CUL9: variants seen among roughly 807,000 people sequenced by gnomAD.
CUL9 encodes the protein cullin-9.
CUL9 carries 79 observed loss-of-function variants against 272.6 expected under a neutral mutation model. The ratio of observed to expected loss-of-function variants is 0.29; its 90% CI spans 0.24 to 0.35. The LOEUF (loss-of-function observed/expected upper bound fraction) is 0.35. CUL9 is among the 10% of genes least tolerant of loss of function. CUL9 has a pLI of 1.00. For missense variants in CUL9, 2,532 were observed against 3,255.6 expected (o/e 0.78, Z 5.41); for synonymous variants, 1,186 against 1,286.5 (o/e 0.92, Z 1.67).
In CUL9 at chr6:43,193,073, C is replaced by T; in HGVS notation, c.2253C>T (p.Ala751=). The T allele has an allele frequency of 6.2e-7, 1 of 1,614,174 alleles. No individual in the cohort carries two copies. The highest frequency in any genetic ancestry group is 1.1e-5 in the South Asian group (1 of 91,084). The change falls in exon 9 of 41, where the codon GCC becomes GCT. Residue 751 remains alanine, a synonymous_variant. Transcript: ENST00000252050. ...QVGEKMVVVQ[A]LRLLYLLMTK... ...GAGAGAAGATGGTGGTCGTGCAGGC[C>T]CTGCGCCTCCTTTACCTGCTCATGA...
At chr6:43,211,878 C>T (rs189497768) in intron 26 of CUL9, among the ~76,000 whole-genome samples, 32 of 152,204 alleles carry the variant, frequency 2.1e-4, no homozygotes, top group Admixed American at 1.9e-3. Flanking sequence ...AGTCATTGCT[C>T]ATATTTCCCT....
Position 43,200,920 on chromosome 6 carries a change from C to G in CUL9, c.3647+86C>G. On this transcript the variant is annotated intron_variant, in intron 16 of 40. Transcript: ENST00000252050. This position sits in a 1 kb window ranked among gnomAD's most constrained non-coding sequence, Gnocchi z 4.0. ...GATACACACAACCCCAGCTATAACCCCAATGCCTGAGGGACACACTCAAAC... is the reference window on the plus strand; with the variant it reads ...GATACACACAACCCCAGCTATAACCGCAATGCCTGAGGGACACACTCAAAC... 2 of 1,540,224 alleles carry G rather than the reference C, an allele frequency of 1.3e-6. No individual in the cohort carries two copies. Among genetic ancestry groups the G allele is most frequent in the Non-Finnish European group, 1.8e-6 (2 of 1,120,978 alleles).
rs1334031733 is a variant in CUL9 at position 43,199,957 on chromosome 6, A to G, written c.3185A>G (p.His1062Arg). 1 of 1,614,136 alleles carries G rather than the reference A, an allele frequency of 6.2e-7. No individual in the cohort carries two copies. The highest frequency in any genetic ancestry group is 8.5e-7 in the Non-Finnish European group (1 of 1,180,008). Residue 1062 changes from histidine (H) to arginine (R), a missense_variant, in exon 14 of 41, where the codon CAT becomes CGT. Transcript: ENST00000252050. This position sits in a 1 kb window ranked among gnomAD's most constrained non-coding sequence, Gnocchi z 4.4. ...EIVQELTCFL[H>R]RLASMHKDYA... is the part of the protein sequence containing the mutation. ...GTTCAGGAGCTGACCTGCTTCCTAC[A>G]TCGCCTGGCCTCGATGCATAAGGAC...
chr6:43,199,333 T>A lies in CUL9; in HGVS notation c.3118T>A (p.Cys1040Ser), dbSNP rs1201133070. 1.2e-6 allele frequency: 2 copies of A among 1,613,420 alleles called. No individual in the cohort carries two copies. The highest frequency in any genetic ancestry group is 2.2e-5 in the East Asian group (1 of 44,834). The change falls in exon 13 of 41, where the codon TGC becomes AGC. Residue 1040 changes from cysteine to serine, a missense_variant. Around this residue, in one of 3 missense-constraint regions of CUL9, gnomAD observed 2,218 missense variants for 2,788.6 expected, o/e 0.80. Coordinates refer to ENST00000252050, the MANE Select transcript of CUL9 (RefSeq NM_015089.4). This position sits in a 1 kb window ranked among gnomAD's most constrained non-coding sequence, Gnocchi z 4.4. ...CCCCTGGCACGAGGTCTTGGAGCCC[T>A]GCCTCAACTGCCTGAGTGGCCCTAG... The part of the protein sequence containing the change: ...VLPWHEVLEP[C>S]LNCLSGPSSD...
Position 43,203,186 on chromosome 6 carries a change from C to A in CUL9, c.3831C>A (p.Arg1277=). 4 of 1,614,182 alleles carry A rather than the reference C, an allele frequency of 2.5e-6. No homozygotes were observed. Among genetic ancestry groups the A allele is most frequent in the Non-Finnish European group, 3.4e-6 (4 of 1,180,044 alleles). The change falls in exon 18 of 41, where the codon CGC becomes CGA. Residue 1277 remains arginine, a synonymous_variant. Coordinates refer to ENST00000252050, the MANE Select transcript of CUL9 (RefSeq NM_015089.4). This position sits in a 1 kb window ranked among gnomAD's most constrained non-coding sequence, Gnocchi z 5.0. ...GCTTCTGGCCCATCATCCAGATCCG[C>A]ATAAAGCGCTGCCAGCAGGTGGTGT... ...LNRFWPIIQI[R]IKRCQQGGID... is the part of the protein sequence containing the mutation.
rs755404979 is a variant in CUL9, at chr6:43,224,330, A to G, written c.7439A>G (p.Glu2480Gly). The G allele has an allele frequency of 6.2e-7, 1 of 1,614,198 alleles. No individual in the cohort carries two copies. The highest frequency in any genetic ancestry group is 1.1e-5 in the South Asian group (1 of 91,084). Reference protein sequence around the residue: ...EDDVPEWQQDEFDEELDNDSF... With the variant: ...EDDVPEWQQDGFDEELDNDSF... ...GATGTGCCCGAGTGGCAGCAGGATG[A>G]GTTTGATGAGGAGCTGGACAATGAC... is the stretch of plus-strand genomic sequence containing the variant. Residue 2480 changes from glutamate (E) to glycine (G), a missense_variant, in exon 41 of 41, where the codon GAG becomes GGG. Transcript: ENST00000252050. This position sits in a 1 kb window ranked among gnomAD's most constrained non-coding sequence, Gnocchi z 4.2.
chr6:43,221,557 T>C lies in CUL9; in HGVS notation c.6753-128T>C. The C allele has an allele frequency of 1.1e-6, 1 of 938,378 alleles. No individual in the cohort carries two copies. The highest frequency in any genetic ancestry group is 1.6e-5 in the South Asian group (1 of 63,402). The allele number at this position is 938,378 out of a possible 1,614,324, so 58.1% of individuals were successfully genotyped here. ...GAGGTGCATTCAGCAGGGCTGGGTA[T>C]GACTAAGGAGACTATCAGGGCAGGA... is the stretch of plus-strand genomic sequence containing the variant. On this transcript the variant is annotated intron_variant, in intron 34 of 40. Coordinates refer to ENST00000252050, the MANE Select transcript of CUL9 (RefSeq NM_015089.4). The surrounding 1 kb of genome is among the most constrained non-coding windows in gnomAD (Gnocchi z 4.2).
chr6:43,210,874 C>T (rs1335867481), intron 26 of CUL9, among the ~76,000 whole-genome samples: 1 of 151,514 alleles, frequency 6.6e-6, no homozygotes, highest in East Asian at 1.9e-4. Context: ...ATGATTCTAC[C>T]CTGGGTTTTT....
In CUL9 at chr6:43,184,802, G is replaced by T; in HGVS notation, c.492G>T (p.Glu164Asp). 6.2e-7 allele frequency: 1 copy of T among 1,613,922 alleles called. No homozygotes were observed. Among genetic ancestry groups the T allele is most frequent in the African/African-American group, 1.3e-5 (1 of 75,066 alleles). The change falls in exon 2 of 41, where the codon GAG (glutamate) becomes GAT (aspartate). Residue 164 changes from glutamate (E) to aspartate (D), a missense_variant. By Grantham distance (45) the Glu-to-Asp change is conservative. Around this residue, in one of 3 missense-constraint regions of CUL9, gnomAD observed 2,218 missense variants for 2,788.6 expected, o/e 0.80. Coordinates refer to ENST00000252050, the MANE Select transcript of CUL9 (RefSeq NM_015089.4). This position sits in a 1 kb window ranked among gnomAD's most constrained non-coding sequence, Gnocchi z 4.8. Reference protein sequence around the residue: ...SIGPLTGVFRETGALDLLMHM... With the variant: ...SIGPLTGVFRDTGALDLLMHM... Reference sequence around the variant, plus strand: ...GGCCCCTCACTGGTGTCTTCAGGGAGACAGGAGCCCTGGACCTGCTCATGC... The same window carrying T: ...GGCCCCTCACTGGTGTCTTCAGGGATACAGGAGCCCTGGACCTGCTCATGC...
rs1227452151 is a variant in CUL9 at position 43,221,983 on chromosome 6, C to T, written c.6846+205C>T. 2 of 600,700 alleles carry T rather than the reference C, an allele frequency of 3.3e-6. No individual in the cohort carries two copies. The highest frequency in any genetic ancestry group is 5.5e-5 in the East Asian group (2 of 36,038). The allele number at this position is 600,700 out of a possible 1,614,324, so 37.2% of individuals were successfully genotyped here. A position where few individuals can be genotyped will look rare whatever the true frequency, so the allele number is the denominator to read the frequency against. Reference sequence around the variant, plus strand: ...AGGGACCTTCAGCTCCAGAACAGGACTTCTCATACCGAGGTGGCTACAGAA... The same window carrying T: ...AGGGACCTTCAGCTCCAGAACAGGATTTCTCATACCGAGGTGGCTACAGAA... On this transcript the variant is annotated intron_variant, in intron 35 of 40. Transcript: ENST00000252050. The surrounding 1 kb of genome is among the most constrained non-coding windows in gnomAD (Gnocchi z 4.2).
chr6:43,203,321 G>T lies in CUL9; in HGVS notation c.3850-96G>T. ...AGTCCCAGAGATGTGGGGATGTCCT[G>T]AGCAGTTCTAGGGAGCTCAGGGCAG... On this transcript the variant is annotated intron_variant, in intron 18 of 40. Transcript: ENST00000252050. The surrounding 1 kb of genome is among the most constrained non-coding windows in gnomAD (Gnocchi z 5.0). The T allele has an allele frequency of 1.3e-6, 2 of 1,597,006 alleles. No homozygotes were observed. Among genetic ancestry groups the T allele is most frequent in the South Asian group, 1.1e-5 (1 of 90,274 alleles).
chr6:43,184,978 T>C lies in CUL9; in HGVS notation c.595+73T>C. ...ACAGGGAATAAGAAAGAGGAGAGAT[T>C]TCCTAGCTCTGTAAGAACACCTAGT... On this transcript the variant is annotated intron_variant, in intron 2 of 40. Coordinates refer to ENST00000252050, the MANE Select transcript of CUL9 (RefSeq NM_015089.4). This position sits in a 1 kb window ranked among gnomAD's most constrained non-coding sequence, Gnocchi z 4.8. The C allele has an allele frequency of 2.8e-6, 3 of 1,086,990 alleles. No individual in the cohort carries two copies. Among genetic ancestry groups the C allele is most frequent in the Non-Finnish European group, 3.9e-6 (3 of 770,224 alleles). 67.3% of individuals were successfully genotyped at this position (1,086,990 alleles called of 1,614,324 possible). A position where few individuals can be genotyped will look rare whatever the true frequency, so the allele number is the denominator to read the frequency against.
rs373446155 is a variant in CUL9, at chr6:43,206,018, C to T, written c.4805C>T (p.Ala1602Val). 5 of 1,613,306 alleles carry T rather than the reference C, an allele frequency of 3.1e-6. No individual in the cohort carries two copies. The African/African-American group carries it at 5.3e-5, about 17-fold the overall frequency. ...TGTGTGTGCTGCAGGCATTATATGGCGGACCGTCTCCTGAGCTTTGGTTCG... is the reference window on the plus strand; with the variant it reads ...TGTGTGTGCTGCAGGCATTATATGGTGGACCGTCTCCTGAGCTTTGGTTCG... ...TFEHFYQHYM[A>V]DRLLSFGSSW... The change falls in exon 25 of 41, where the codon GCG (alanine) becomes GTG (valine). Residue 1602 changes from alanine to valine, a missense_variant. By Grantham distance (64) the Ala-to-Val change is moderately conservative. Coordinates refer to ENST00000252050, the MANE Select transcript of CUL9 (RefSeq NM_015089.4). This position sits in a 1 kb window ranked among gnomAD's most constrained non-coding sequence, Gnocchi z 4.8.
In CUL9 at chr6:43,222,876, A is replaced by G. The variant is rs1436409894; in HGVS notation, c.7130A>G (p.Asn2377Ser). 1.9e-6 allele frequency: 3 copies of G among 1,613,554 alleles called. No individual in the cohort carries two copies. Among genetic ancestry groups the G allele is most frequent in the South Asian group, 2.2e-5 (2 of 91,078 alleles). ...ACAGAGAACCTGGAGCTGCACACCA[A>G]TGCCCTGCAGATCCTCCTGGGTGAG... The part of the protein sequence containing the change: ...QQTENLELHT[N>S]ALQILLEETL... Residue 2377 changes from asparagine to serine, a missense_variant, in exon 38 of 41, where the codon AAT becomes AGT. Asn to Ser is a conservative substitution (Grantham distance 46). This residue lies in a region of CUL9 where 237 missense variants were observed against 305.9 expected (regional missense o/e 0.77). Coordinates refer to ENST00000252050, the MANE Select transcript of CUL9 (RefSeq NM_015089.4).
At chr6:43,201,976 G>A (rs537634379) in intron 16 of CUL9, among the ~76,000 whole-genome samples, 2 of 152,326 alleles carry the variant, frequency 1.3e-5, no homozygotes, top group African/African-American at 4.8e-5. Context: ...GGGAGTTTGC[G>A]CTGGAGGTAG....
At chr6:43,207,167 G>A (rs1162679298) in intron 26 of CUL9, among the ~76,000 whole-genome samples, 3 of 152,124 alleles carry the variant, frequency 2.0e-5, no homozygotes, top group Non-Finnish European at 4.4e-5. Context: ...AAGTGCACAC[G>A]TCTTAATTAT....
chr6:43,224,453 G>A lies in CUL9; in HGVS notation c.*8G>A, dbSNP rs761396352. ...GATGAGGCCTATGACTGAGGGGGCAGATGCAGGAAACACCTAGAGCAGCCC... is the reference window on the plus strand; with the variant it reads ...GATGAGGCCTATGACTGAGGGGGCAAATGCAGGAAACACCTAGAGCAGCCC... On this transcript the variant is annotated 3_prime_UTR_variant, in exon 41 of 41. Transcript: ENST00000252050. This position sits in a 1 kb window ranked among gnomAD's most constrained non-coding sequence, Gnocchi z 4.2. 1.9e-6 allele frequency: 3 copies of A among 1,611,276 alleles called. No homozygotes were observed. The South Asian group carries it at 3.3e-5, about 18-fold the overall frequency.
chr6:43,199,269 C>A lies in CUL9; in HGVS notation c.3054C>A (p.Val1018=). The change falls in exon 13 of 41, where the codon GTC becomes GTA. Residue 1018 remains valine (V), a synonymous_variant. Transcript: ENST00000252050. The surrounding 1 kb of genome is among the most constrained non-coding windows in gnomAD (Gnocchi z 4.4). ...NKTLLLSVLR[V]ITRLLDFPEA... is the part of the protein sequence containing the mutation. Reference sequence around the variant, plus strand: ...CTCGTTTCTACCCCCTCACCAGGGTCATAACCCGACTGCTGGATTTCCCTG... The same window carrying A: ...CTCGTTTCTACCCCCTCACCAGGGTAATAACCCGACTGCTGGATTTCCCTG... The A allele has an allele frequency of 6.2e-7, 1 of 1,612,806 alleles. No homozygotes were observed. Among genetic ancestry groups the A allele is most frequent in the South Asian group, 1.1e-5 (1 of 91,012 alleles).
chr6:43,219,600 G>C, intron 31 of CUL9, among the ~76,000 whole-genome samples: 1 of 152,192 alleles, frequency 6.6e-6, no homozygotes. Flanking sequence ...CTAGTCAGGT[G>C]CTTCAAATTT....
Sources: gnomAD v4.1 joint callset for allele counts (sites outside exome capture counted in the v4.1 genomes callset) on GRCh38, gnomAD v4.1.1 for gene constraint, gnomAD v4.1.1 regional missense constraint, Gnocchi (gnomAD v3.1) non-coding constraint, MANE v1.5 for transcripts, NCBI Gene and HGNC (gene_info 2026-07-23, HGNC 2026-07-21) for gene names.